Variants in FREM3 observed in about 807,000 individuals in gnomAD.
FREM3 encodes the protein FRAS1 related extracellular matrix 3.
In FREM3, 105 loss-of-function variants were observed where a neutral mutation model predicts 129.1. The ratio of observed to expected loss-of-function variants is 0.81; its 90% CI spans 0.69 to 0.96. The LOEUF is 0.96. FREM3 is among the 40% of genes least tolerant of loss of function. FREM3 has a pLI of 0.00. For missense variants in FREM3, 2,593 were observed against 2,666.3 expected (o/e 0.97, Z 0.61); for synonymous variants, 1,014 against 1,044.9 (o/e 0.97, Z 0.57).
intron 2 of FREM3, among the ~76,000 whole-genome samples, chr4:143,691,358 C>T (rs1292459721): frequency 6.6e-6 from 1 of 151,922 alleles, no homozygotes; most frequent in African/African-American, 2.4e-5. Context: ...CAAATCACCA[C>T]CAAAGAACTT....
intron 1 of FREM3, among the ~76,000 whole-genome samples, chr4:143,694,129 C>T (rs1371435598): frequency 1.3e-5 from 2 of 152,168 alleles, no homozygotes; most frequent in Non-Finnish European, 2.9e-5. Context: ...GAAACCTTCA[C>T]ATGTACCTCC....
At chr4:143,590,381 A>G (rs1292501286) in intron 6 of FREM3, among the ~76,000 whole-genome samples, 1 of 152,206 alleles carries the variant, frequency 6.6e-6, no homozygotes, top group Non-Finnish European at 1.5e-5. Flanking sequence ...GGTTTGTCAT[A>G]GATAGCTCTT....
At chr4:143,687,941 G>A (rs1340472466) in intron 2 of FREM3, among the ~76,000 whole-genome samples, 1 of 152,050 alleles carries the variant, frequency 6.6e-6, no homozygotes, top group Non-Finnish European at 1.5e-5. Context: ...CATTCCCTTC[G>A]AGAACTGGAA....
chr4:143,671,684 A>G (rs1187714002), intron 2 of FREM3, among the ~76,000 whole-genome samples: 1 of 152,194 alleles, frequency 6.6e-6, no homozygotes, highest in Non-Finnish European at 1.5e-5. Context: ...GAGAACTGAA[A>G]TAATCATCTG....
Position 143,699,948 on chromosome 4 carries a change from TCA to T in FREM3, c.726_727del (p.Cys242Ter), listed in dbSNP as rs758265185. The stretch of plus-strand genomic sequence containing the variant: ...GCGCACCCCAGCACGGAGGAAAGCC[TCA>T]CAGTCTACGCCCTTGCCCCTGGGGA... On this transcript the variant is annotated stop_gained and frameshift_variant, in exon 1 of 8. Coordinates refer to ENST00000329798, the MANE Select transcript of FREM3 (RefSeq NM_001168235.2). LOFTEE classifies it high-confidence loss of function. This position sits in a 1 kb window ranked among gnomAD's most constrained non-coding sequence, Gnocchi z 4.2. The T allele has an allele frequency of 1.4e-5, 22 of 1,530,502 alleles. No homozygotes were observed. The highest frequency in any genetic ancestry group is 1.8e-5 in the Non-Finnish European group (21 of 1,143,386). The allele number at this position is 1,530,502 out of a possible 1,614,324, so 94.8% of individuals were successfully genotyped here. A position where few individuals can be genotyped will look rare whatever the true frequency, so the allele number is the denominator to read the frequency against.
At chr4:143,665,467 G>A (rs13114001) in intron 2 of FREM3, among the ~76,000 whole-genome samples, 82,462 of 151,748 alleles carry the variant, frequency 0.54, 23,479 homozygotes, top group East Asian at 0.71. Context: ...ATAAGTATTT[G>A]TTAATTATAA....
chr4:143,628,803 G>C (rs965251787), intron 2 of FREM3, among the ~76,000 whole-genome samples: 2 of 152,112 alleles, frequency 1.3e-5, no homozygotes, highest in Non-Finnish European at 2.9e-5. Context: ...GAACCTCCTG[G>C]AGAGCTTGAC....
chr4:143,588,896 C>T lies in FREM3; in HGVS notation c.6029-2903G>A, dbSNP rs540983609. ...GTGTTCCTATTTCTCCACATCCTCTCCAGCACCTGTCGTTTCCTGACTTTT... is the reference window on the plus strand; with the variant it reads ...GTGTTCCTATTTCTCCACATCCTCTTCAGCACCTGTCGTTTCCTGACTTTT... On this transcript the variant is annotated intron_variant, in intron 6 of 7. Transcript: ENST00000329798. Among the ~76,000 whole-genome samples, 394 of 151,104 alleles carry T rather than the reference C, an allele frequency of 2.6e-3. 10 individuals are homozygous for T. In the South Asian group the frequency reaches 0.044, roughly 17 times the overall value.
At chr4:143,620,295 T>C (rs1399233748) in intron 5 of FREM3, among the ~76,000 whole-genome samples, 1 of 152,202 alleles carries the variant, frequency 6.6e-6, no homozygotes, top group African/African-American at 2.4e-5. Flanking sequence ...ACTATAAAGC[T>C]TTCTCATGCT....
intron 2 of FREM3, among the ~76,000 whole-genome samples, chr4:143,640,293 G>T (rs574575719): frequency 1.3e-3 from 204 of 152,276 alleles, no homozygotes; most frequent in Admixed American, 3.9e-3. Flanking sequence ...ATTAACAGGG[G>T]CTTAATCAAT....
chr4:143,617,577 A>C (rs1160352132), intron 5 of FREM3, among the ~76,000 whole-genome samples: 1 of 152,246 alleles, frequency 6.6e-6, no homozygotes, highest in Non-Finnish European at 1.5e-5. Flanking sequence ...CTATATATCC[A>C]GAGATAGGCT....
intron 5 of FREM3, among the ~76,000 whole-genome samples, chr4:143,615,718 C>T: frequency 7.5e-6 from 1 of 134,070 alleles, no homozygotes; most frequent in South Asian, 2.2e-4. Flanking sequence ...AAAAAAAAAA[C>T]AAAAACCCAA....
chr4:143,578,938 T>C (rs1738086661), intron 7 of FREM3, among the ~76,000 whole-genome samples: 1 of 152,150 alleles, frequency 6.6e-6, no homozygotes, highest in South Asian at 2.1e-4. Context: ...GAGTAGATTA[T>C]GCAAGTGTAT....
intron 2 of FREM3, chr4:143,645,196 G>A (rs1739394760): frequency 6.6e-6 from 1 of 152,088 alleles, no homozygotes; most frequent in African/African-American, 2.4e-5. Flanking sequence ...TGCTAGTGTG[G>A]GGCGAAGACA....
intron 2 of FREM3, among the ~76,000 whole-genome samples, chr4:143,663,823 A>C (rs1039018223): frequency 6.6e-6 from 1 of 151,484 alleles, no homozygotes; most frequent in East Asian, 1.9e-4. Flanking sequence ...TTCTCGCTTC[A>C]TTTCATTCAT....
intron 2 of FREM3, among the ~76,000 whole-genome samples, chr4:143,666,339 C>G (rs1367077534): frequency 6.6e-6 from 1 of 152,042 alleles, no homozygotes; most frequent in East Asian, 1.9e-4. Context: ...TCTAAAAAAG[C>G]TAAACATACA....
At chr4:143,678,031 C>A (rs1332653119) in intron 2 of FREM3, among the ~76,000 whole-genome samples, 2 of 152,200 alleles carry the variant, frequency 1.3e-5, no homozygotes, top group Non-Finnish European at 2.9e-5. Flanking sequence ...CCAGCCATCC[C>A]ATTACTGGGT....
At chr4:143,627,003 T>A (rs1223925442) in intron 3 of FREM3, among the ~76,000 whole-genome samples, 1 of 152,168 alleles carries the variant, frequency 6.6e-6, no homozygotes, top group Non-Finnish European at 1.5e-5. Context: ...GAAAATACAA[T>A]GCCTTATTAG....
rs371526350 is a variant in FREM3 at position 143,697,069 on chromosome 4, C to A, written c.3607G>T (p.Val1203Leu). The A allele has an allele frequency of 2.5e-4, 378 of 1,537,454 alleles. No homozygotes were observed. The highest frequency in any genetic ancestry group is 3.1e-4 in the Non-Finnish European group (354 of 1,147,008). Reference protein sequence around the residue: ...QPKLFAHEFKVLEGMSLVIDT... With the variant: ...QPKLFAHEFKLLEGMSLVIDT... ...ATGACCAGGCTCATCCCCTCTAGTACCTTAAACTCATGGGCAAAAAGTTTA... is the reference window on the plus strand; with the variant it reads ...ATGACCAGGCTCATCCCCTCTAGTAACTTAAACTCATGGGCAAAAAGTTTA... Residue 1203 changes from valine to leucine, a missense_variant, in exon 1 of 8, where the codon GTA becomes TTA. Physicochemically the swap from Val to Leu is conservative, Grantham distance 32. This residue lies in a region of FREM3 where 2,276 missense variants were observed against 2,267.2 expected (regional missense o/e 1.00). Transcript: ENST00000329798.
Sources: gnomAD v4.1 joint callset for allele counts (sites outside exome capture counted in the v4.1 genomes callset) on GRCh38, gnomAD v4.1.1 for gene constraint, gnomAD v4.1.1 regional missense constraint, Gnocchi (gnomAD v3.1) non-coding constraint, MANE v1.5 for transcripts, NCBI Gene and HGNC (gene_info 2026-07-23, HGNC 2026-07-21) for gene names.